RARB: variants seen among roughly 807,000 people sequenced by gnomAD.
RARB encodes the protein retinoic acid receptor beta, also known as HBV-activated protein.
In RARB, 17 loss-of-function variants were observed where a neutral mutation model predicts 51.9. The ratio of observed to expected loss-of-function variants is 0.33; its 90% CI spans 0.22 to 0.49. The LOEUF is 0.49. Ranked by LOEUF, RARB falls within the 20% of genes least tolerant of loss-of-function variation. RARB has a pLI of 0.99. For missense variants in RARB, 369 were observed against 550.8 expected (o/e 0.67, Z 3.30); for synonymous variants, 215 against 195.4 (o/e 1.10, Z -0.84).
chr3:25,551,050 GT>G (rs1453487475), intron 3 of RARB, among the ~76,000 whole-genome samples: 2 of 152,174 alleles, frequency 1.3e-5, no homozygotes, highest in Non-Finnish European at 2.9e-5. Flanking sequence ...GTTTTAAGGG[GT>G]TAAGAAGGAG....
chr3:25,259,794 T>C (rs1702953060), intron 5 of RARB, among the ~76,000 whole-genome samples: 6 of 152,200 alleles, frequency 3.9e-5, no homozygotes, highest in Admixed American at 3.9e-4. Context: ...ATTTTATGCA[T>C]GACCCAAAGT....
intron 2 of RARB, among the ~76,000 whole-genome samples, chr3:25,053,993 T>G (rs1698389473): frequency 6.6e-6 from 1 of 152,132 alleles, no homozygotes; most frequent in African/African-American, 2.4e-5. Flanking sequence ...ACTCTGGGCC[T>G]GGCGCAGGTC....
At chr3:25,006,577 A>G (rs1044875423) in intron 2 of RARB, among the ~76,000 whole-genome samples, 3 of 152,190 alleles carry the variant, frequency 2.0e-5, no homozygotes, top group South Asian at 4.1e-4. Flanking sequence ...TTTTTGAGGT[A>G]AATCTGATAC....
intron 2 of RARB, among the ~76,000 whole-genome samples, chr3:24,996,111 T>G (rs139288142): frequency 1.3e-3 from 197 of 152,230 alleles, no homozygotes; most frequent in African/African-American, 4.5e-3. Context: ...GTTGGAAGAC[T>G]TTTTATTACT....
At chr3:25,114,407 G>T (rs1403543814) in intron 3 of RARB, among the ~76,000 whole-genome samples, 1 of 151,650 alleles carries the variant, frequency 6.6e-6, no homozygotes, top group African/African-American at 2.4e-5. Flanking sequence ...GTTTGAAGAT[G>T]CTCTGAAAGT....
In RARB at chr3:25,094,716, C is replaced by CAAAAAAAAA. The variant is rs57477720; in HGVS notation, c.-328+34557_-328+34565dup. Among the ~76,000 whole-genome samples, 7 of 43,100 alleles carry CAAAAAAAAA rather than the reference C, an allele frequency of 1.6e-4. 1 individual carries two copies. The highest frequency in any genetic ancestry group is 8.9e-4 in the East Asian group (1 of 1,128). The allele number at this position is 43,100 out of a possible 152,430, so 28.3% of individuals were successfully genotyped here. A position where few individuals can be genotyped will look rare whatever the true frequency, so the allele number is the denominator to read the frequency against. The stretch of plus-strand genomic sequence containing the variant: ...TGGGAGACAGAGTGAGACCCCATCT[C>CAAAAAAAAA]AAAAAAAAAAAAAAAAAAAAAAAAA... On this transcript the variant is annotated intron_variant, in intron 3 of 11. Coordinates refer to the RARB transcript ENST00000383772.
intron 2 of RARB, 88 bp from the exon 3 acceptor site, chr3:25,501,094 G>A (rs1697288175): frequency 2.1e-6 from 3 of 1,432,494 alleles, no homozygotes; most frequent in Non-Finnish European, 1.9e-6. Context: ...CTCAAAAAGA[G>A]CAATTAATGC....
intron 2 of RARB, among the ~76,000 whole-genome samples, chr3:24,896,230 T>A (rs1045535544): frequency 6.6e-6 from 1 of 152,110 alleles, no homozygotes; most frequent in Admixed American, 6.6e-5. Context: ...GGAGTTATTA[T>A]TTAACAGGTA....
At chr3:24,918,128 TTAAAAAA>T (rs1385075698) in intron 2 of RARB, among the ~76,000 whole-genome samples, 5 of 152,172 alleles carry the variant, frequency 3.3e-5, no homozygotes, top group African/African-American at 1.2e-4. Flanking sequence ...TTCTTAGTAG[TTAAAAAA>T]TGCAAACAAT....
intron 4 of RARB, among the ~76,000 whole-genome samples, chr3:25,149,082 C>T (rs1288250919): frequency 6.6e-6 from 1 of 152,136 alleles, no homozygotes; most frequent in Non-Finnish European, 1.5e-5. Context: ...TTCTGAACTT[C>T]TTCAAGAAGT....
chr3:24,897,530 T>TA (rs1415607450), intron 2 of RARB, among the ~76,000 whole-genome samples: 2 of 152,150 alleles, frequency 1.3e-5, no homozygotes, highest in East Asian at 3.9e-4. Flanking sequence ...CTGTAAACTA[T>TA]AAAAGTATAG....
At chr3:25,044,569 A>G (rs139415089) in intron 2 of RARB, among the ~76,000 whole-genome samples, 7 of 152,314 alleles carry the variant, frequency 4.6e-5, no homozygotes, top group African/African-American at 1.4e-4. Flanking sequence ...TCCATGTGCT[A>G]GGAGTCGTGG....
intron 2 of RARB, among the ~76,000 whole-genome samples, chr3:25,493,007 A>G (rs1223395295): frequency 6.6e-6 from 1 of 151,622 alleles, no homozygotes; most frequent in Non-Finnish European, 1.5e-5. Context: ...TTAAACAAAA[A>G]TAAACAACTC....
At chr3:25,506,813 C>T (rs1046915203) in intron 3 of RARB, among the ~76,000 whole-genome samples, 33 of 152,354 alleles carry the variant, frequency 2.2e-4, no homozygotes, top group Admixed American at 1.0e-3. Flanking sequence ...ATCCGGTGGC[C>T]AAGGATGCCA....
chr3:25,328,870 G>C (rs1349620952), intron 5 of RARB, among the ~76,000 whole-genome samples: 5 of 152,206 alleles, frequency 3.3e-5, no homozygotes, highest in Non-Finnish European at 7.3e-5. Context: ...CACACCAGGA[G>C]ATTATGTCCC....
At chr3:25,561,917 C>T (rs1700285149) in intron 3 of RARB, among the ~76,000 whole-genome samples, 1 of 152,118 alleles carries the variant, frequency 6.6e-6, no homozygotes, top group African/African-American at 2.4e-5. Flanking sequence ...TTTTTGCCCT[C>T]CTGCCCTTCA....
chr3:24,979,926 C>T (rs1696606194), intron 2 of RARB, among the ~76,000 whole-genome samples: 1 of 151,420 alleles, frequency 6.6e-6, no homozygotes, highest in Admixed American at 6.6e-5. Context: ...TCTTTATTTC[C>T]ACATGCTTCC....
chr3:25,305,907 C>A (rs1021375946), intron 5 of RARB, among the ~76,000 whole-genome samples: 1 of 152,154 alleles, frequency 6.6e-6, no homozygotes, highest in East Asian at 1.9e-4. Context: ...TGAATGTTTG[C>A]AGCCTGTCTG....
intron 5 of RARB, among the ~76,000 whole-genome samples, chr3:25,309,361 G>A (rs973221767): frequency 4.3e-4 from 64 of 149,316 alleles, no homozygotes; most frequent in African/African-American, 1.6e-3. Context: ...GGCTGGTCTC[G>A]ATCTCCTGAC....
Sources: gnomAD v4.1 joint callset for allele counts (sites outside exome capture counted in the v4.1 genomes callset) on GRCh38, gnomAD v4.1.1 for gene constraint, MANE v1.5 for transcripts, NCBI Gene and HGNC (gene_info 2026-07-23, HGNC 2026-07-21) for gene names.